The following FXR2 variants were observed in gnomAD, a reference collection of about 807,000 sequenced individuals.
FXR2 encodes RNA-binding protein FXR2.
Under a neutral mutation model 87.3 loss-of-function variants are expected in FXR2, and 9 were observed. The ratio of observed to expected loss-of-function variants is 0.10; its 90% CI spans 0.06 to 0.18. The LOEUF is 0.18. Ranked by LOEUF, FXR2 falls within the 10% of genes least tolerant of loss-of-function variation. FXR2 has a pLI of 1.00. For missense variants in FXR2, 661 were observed against 893.6 expected (o/e 0.74, Z 3.32); for synonymous variants, 331 against 328.3 (o/e 1.01, Z -0.09).
At chr17:7,602,803 T>C (rs1239153703) in intron 6 of FXR2, 106 bp downstream of exon 6, 3 of 638,914 alleles carry the variant, frequency 4.7e-6, no homozygotes, top group East Asian at 2.8e-5. Flanking sequence ...TCTTGACAAA[T>C]AAATATAAGC....
chr17:7,594,510 A>G lies in FXR2; in HGVS notation c.911-163T>C. ...TGTTTTTACAGGACAAAATGTTACA[A>G]TCCCTAGAAATTTATTCTTTCATTT... On this transcript the variant is annotated intron_variant, in intron 9 of 16. Transcript: ENST00000250113. The surrounding 1 kb of genome is among the most constrained non-coding windows in gnomAD (Gnocchi z 5.1). 3.0e-6 allele frequency: 2 copies of G among 668,914 alleles called. No individual in the cohort carries two copies. Among genetic ancestry groups the G allele is most frequent in the East Asian group, 2.7e-5 (1 of 37,508 alleles). The allele number at this position is 668,914 out of a possible 1,614,324, so 41.4% of individuals were successfully genotyped here.
intron 1 of FXR2, among the ~76,000 whole-genome samples, chr17:7,608,055 T>C (rs1302563213): frequency 6.6e-6 from 1 of 152,120 alleles, no homozygotes; most frequent in African/African-American, 2.4e-5. Flanking sequence ...CCTCCCAAAG[T>C]GCTGGGATTA....
At chr17:7,609,963 T>TAC (rs566311028) in intron 1 of FXR2, among the ~76,000 whole-genome samples, 1,150 of 108,544 alleles carry the variant, frequency 0.011, 40 homozygotes, top group African/African-American at 0.028. Flanking sequence ...TACATATATA[T>TAC]ACATGTATAT....
chr17:7,602,849 A>G, intron 6 of FXR2, 60 bp downstream of exon 6: 1 of 835,288 alleles, frequency 1.2e-6, no homozygotes, highest in Non-Finnish European at 2.0e-6. Flanking sequence ...AAAGGGTTAA[A>G]AAGGGAAAAA....
chr17:7,613,972 C>G (rs139956659), intron 1 of FXR2: 15 of 450,726 alleles, frequency 3.3e-5, no homozygotes, highest in Middle Eastern at 1.4e-3. Context: ...GTGAGTGTTC[C>G]AGAGCCAGTA....
chr17:7,594,199 G>A lies in FXR2; in HGVS notation c.1020+39C>T, dbSNP rs1161004696. The A allele has an allele frequency of 2.4e-6, 3 of 1,234,126 alleles. No individual in the cohort carries two copies. The highest frequency in any genetic ancestry group is 3.6e-6 in the Non-Finnish European group (3 of 837,466). 76.4% of individuals were successfully genotyped at this position (1,234,126 alleles called of 1,614,324 possible). A position where few individuals can be genotyped will look rare whatever the true frequency, so the allele number is the denominator to read the frequency against. ...TCAGAGGACAATCCCATTTACTTCT[G>A]GAAACCAATCTCTATGCCCACTTGC... On this transcript the variant is annotated intron_variant, in intron 10 of 16. Transcript: ENST00000250113. This position sits in a 1 kb window ranked among gnomAD's most constrained non-coding sequence, Gnocchi z 5.1.
chr17:7,599,642 C>T (rs115812205), intron 7 of FXR2, among the ~76,000 whole-genome samples: 3 of 151,934 alleles, frequency 2.0e-5, no homozygotes, highest in East Asian at 2.0e-4. Flanking sequence ...TTTGGGAGGT[C>T]GAGGTGGGCG....
At chr17:7,609,972 A>ACG (rs2071842256) in intron 1 of FXR2, among the ~76,000 whole-genome samples, 2 of 104,132 alleles carry the variant, frequency 1.9e-5, no homozygotes, top group East Asian at 2.1e-4. Flanking sequence ...ATACATGTAT[A>ACG]TGTATACATA....
rs2071699497 is a variant in FXR2, at chr17:7,595,401, CCCAAGTAG to C, written c.831+415_831+422del. 1.3e-5 allele frequency among the ~76,000 whole-genome samples: 2 copies of C among 152,140 alleles called. No homozygotes were observed. Among genetic ancestry groups the C allele is most frequent in the Admixed American group, 1.3e-4 (2 of 15,274 alleles). On this transcript the variant is annotated intron_variant, in intron 8 of 16. Transcript: ENST00000250113. This position sits in a 1 kb window ranked among gnomAD's most constrained non-coding sequence, Gnocchi z 4.7. ...TCAAGTGATCCTCCTGCCTCCGCCT[CCCAAGTAG>C]CCAAGTAGCTGGGGCCACAGATGCA... is the stretch of plus-strand genomic sequence containing the variant.
At chr17:7,610,032 ATGTATG>A (rs1163522747) in intron 1 of FXR2, among the ~76,000 whole-genome samples, 2 of 109,846 alleles carry the variant, frequency 1.8e-5, no homozygotes, top group East Asian at 4.7e-4. Flanking sequence ...ATATGTATAC[ATGTATG>A]TATATATATA....
chr17:7,591,677 C>G lies in FXR2; in HGVS notation c.*153G>C, dbSNP rs756682446. 4.4e-6 allele frequency: 3 copies of G among 680,310 alleles called. No homozygotes were observed. Among genetic ancestry groups the G allele is most frequent in the Non-Finnish European group, 8.1e-6 (3 of 369,402 alleles). The allele number at this position is 680,310 out of a possible 1,614,324, so 42.1% of individuals were successfully genotyped here. On this transcript the variant is annotated 3_prime_UTR_variant, in exon 17 of 17. Coordinates refer to ENST00000250113, the MANE Select transcript of FXR2 (RefSeq NM_004860.4). This position sits in a 1 kb window ranked among gnomAD's most constrained non-coding sequence, Gnocchi z 4.0. Reference sequence around the variant, plus strand: ...TATGACCCTGTTACACACCCCTCCACTAGCTCCTGGAGGTTGGGGGGTACC... The same window carrying G: ...TATGACCCTGTTACACACCCCTCCAGTAGCTCCTGGAGGTTGGGGGGTACC...
Position 7,594,845 on chromosome 17 carries a change from G to A in FXR2, c.832-88C>T, listed in dbSNP as rs1864669872. On this transcript the variant is annotated intron_variant, in intron 8 of 16. Coordinates refer to ENST00000250113, the MANE Select transcript of FXR2 (RefSeq NM_004860.4). The surrounding 1 kb of genome is among the most constrained non-coding windows in gnomAD (Gnocchi z 5.1). The stretch of plus-strand genomic sequence containing the variant: ...CGCCTGTAATCCCAGCACTTTGGGA[G>A]GCTGGAGGCAGGTGGATAAATTGAG... 2 of 816,946 alleles carry A rather than the reference G, an allele frequency of 2.4e-6. No homozygotes were observed. Among genetic ancestry groups the A allele is most frequent in the Non-Finnish European group, 4.3e-6 (2 of 461,840 alleles). The allele number at this position is 816,946 out of a possible 1,614,324, so 50.6% of individuals were successfully genotyped here. A position where few individuals can be genotyped will look rare whatever the true frequency, so the allele number is the denominator to read the frequency against.
intron 6 of FXR2, 65 bp from the exon 7 acceptor site, chr17:7,601,590 G>A (rs1052251419): frequency 2.1e-5 from 20 of 965,972 alleles, no homozygotes; most frequent in Non-Finnish European, 3.3e-5. Context: ...GGAGAGCCAG[G>A]GACTAGAAAT....
At chr17:7,599,289 T>C (rs2071733996) in intron 7 of FXR2, among the ~76,000 whole-genome samples, 1 of 152,034 alleles carries the variant, frequency 6.6e-6, no homozygotes, top group Non-Finnish European at 1.5e-5. Flanking sequence ...GATAACAGAC[T>C]GAGACTCCAT....
Position 7,609,955 on chromosome 17 carries a change from C to CATATATATACATGTATATGTATACAT in FXR2, c.82-3832_82-3807dup, listed in dbSNP as rs766014848. Among the ~76,000 whole-genome samples the CATATATATACATGTATATGTATACAT allele has an allele frequency of 9.7e-3, 834 of 86,246 alleles. 18 individuals carry two copies. The highest frequency in any genetic ancestry group is 0.023 in the East Asian group (51 of 2,234). 56.6% of individuals were successfully genotyped at this position (86,246 alleles called of 152,430 possible). On this transcript the variant is annotated intron_variant, in intron 1 of 16. Coordinates refer to ENST00000250113, the MANE Select transcript of FXR2 (RefSeq NM_004860.4). ...GTATATATATACATGTATATGTATA[C>CATATATATACATGTATATGTATACAT]ATATATATACATGTATATGTATACA...
At chr17:7,610,160 G>A (rs2071851880) in intron 1 of FXR2, among the ~76,000 whole-genome samples, 1 of 151,974 alleles carries the variant, frequency 6.6e-6, no homozygotes, top group Admixed American at 6.6e-5. Flanking sequence ...CCAGGAGGCA[G>A]AGGCTGCAGG....
chr17:7,596,917 T>C (rs927600529), intron 7 of FXR2, among the ~76,000 whole-genome samples: 2 of 151,796 alleles, frequency 1.3e-5, no homozygotes, highest in African/African-American at 2.4e-5. Context: ...CCTGCCAACA[T>C]AGTGAAACCC....
chr17:7,609,316 G>C (rs980385948), intron 1 of FXR2, among the ~76,000 whole-genome samples: 1 of 152,006 alleles, frequency 6.6e-6, no homozygotes, highest in Non-Finnish European at 1.5e-5. Flanking sequence ...CCTTACGATG[G>C]GAAAATCTAA....
At position 7,614,600 on chromosome 17, in the gene FXR2, G is replaced by A; in HGVS notation, c.-68C>T. On this transcript the variant is annotated 5_prime_UTR_variant, in exon 1 of 17. Coordinates refer to ENST00000250113, the MANE Select transcript of FXR2 (RefSeq NM_004860.4). ...AGCAGTCTGAGTGCGGGCCGGGCCA[G>A]GCCCCCGGCGTCTCCCCGGAGGAGG... is the stretch of plus-strand genomic sequence containing the variant. The A allele has an allele frequency of 1.0e-6, 1 of 1,001,494 alleles. No individual in the cohort carries two copies. The highest frequency in any genetic ancestry group is 1.3e-6 in the Non-Finnish European group (1 of 761,304). 62.0% of individuals were successfully genotyped at this position (1,001,494 alleles called of 1,614,324 possible).
Sources: gnomAD v4.1 joint callset for allele counts (sites outside exome capture counted in the v4.1 genomes callset) on GRCh38, gnomAD v4.1.1 for gene constraint, Gnocchi (gnomAD v3.1) non-coding constraint, MANE v1.5 for transcripts, NCBI Gene and HGNC (gene_info 2026-07-23, HGNC 2026-07-21) for gene names.